The following PI4KB variants were observed in gnomAD, a reference collection of about 807,000 sequenced individuals.
PI4KB encodes the protein PtdIns 4-kinase beta.
PI4KB carries 23 observed loss-of-function variants against 81.4 expected under a neutral mutation model. That is an observed-to-expected ratio of 0.28 (90% confidence interval 0.20 to 0.40). The LOEUF is 0.40. Among genes scored for constraint, PI4KB ranks in the 10% least tolerant of loss-of-function variants. The pLI, the probability that PI4KB is intolerant of heterozygous loss-of-function variation, is 1.00. For missense variants in PI4KB, 651 were observed against 1,036.6 expected (o/e 0.63, Z 5.11); for synonymous variants, 381 against 406.8 (o/e 0.94, Z 0.76).
intron 2 of PI4KB, among the ~76,000 whole-genome samples, chr1:151,311,654 G>A (rs759495223): frequency 7.2e-5 from 11 of 152,188 alleles, no homozygotes; most frequent in Non-Finnish European, 1.3e-4. Context: ...CCTGAGCAAC[G>A]CTCCAGCTGA....
At chr1:151,326,899 T>C (rs1268917722) in intron 1 of PI4KB, among the ~76,000 whole-genome samples, 4 of 151,638 alleles carry the variant, frequency 2.6e-5, no homozygotes, top group Admixed American at 2.0e-4. Flanking sequence ...GTGGAGTCCA[T>C]GGAAAAGGTT....
intron 1 of PI4KB, chr1:151,324,830 T>A: frequency 1.0e-6 from 1 of 985,040 alleles, no homozygotes; most frequent in Middle Eastern, 5.2e-4. Context: ...TATTGAAGGG[T>A]TCCTCCCAAA....
In PI4KB at chr1:151,293,046, G is replaced by T. The variant is rs775933507; in HGVS notation, c.2270-13C>A. ...GGAAGCTGAGAACCTGGGGGAAGCA[G>T]TCGGAGTTCAGGGTCATGGATGGAC... On this transcript the variant is annotated splice_polypyrimidine_tract_variant and intron_variant, in intron 11 of 11. Transcript: ENST00000368873. The T allele has an allele frequency of 1.9e-6, 3 of 1,613,484 alleles. No individual in the cohort carries two copies. In the African/African-American group the frequency reaches 4.0e-5, roughly 22 times the overall value.
intron 8 of PI4KB, 23 bp from the exon 9 acceptor site, chr1:151,299,096 C>T (rs752992539): frequency 1.9e-6 from 3 of 1,606,466 alleles, no homozygotes; most frequent in African/African-American, 1.3e-5. Context: ...ATGGAGGATA[C>T]AGGACTCTTA....
rs1448294178 is a variant in PI4KB at position 151,316,167 on chromosome 1, C to T, written c.315G>A (p.Gly105=). 6.2e-7 allele frequency: 1 copy of T among 1,613,980 alleles called. No individual in the cohort carries two copies. The highest frequency in any genetic ancestry group is 1.1e-5 in the South Asian group (1 of 91,070). Reference sequence around the variant, plus strand: ...TGGCTGTGCCTGAGGCCACAGCGGCCCCCATCTCATCTTCCTCCTCCCTGA... The same window carrying T: ...TGGCTGTGCCTGAGGCCACAGCGGCTCCCATCTCATCTTCCTCCTCCCTGA... ...AQIREEEDEM[G]AAVASGTAKG... Residue 105 remains glycine, a synonymous_variant, in exon 2 of 12, where the codon GGG becomes GGA. Transcript: ENST00000368873.
rs1473470628 is a variant in PI4KB, at chr1:151,292,303, A to C, written c.*549T>G. The C allele has an allele frequency of 1.3e-5, 2 of 154,242 alleles. No homozygotes were observed. Among genetic ancestry groups the C allele is most frequent in the Non-Finnish European group, 2.9e-5 (2 of 69,308 alleles). 9.6% of individuals were successfully genotyped at this position (154,242 alleles called of 1,614,324 possible). On this transcript the variant is annotated 3_prime_UTR_variant, in exon 12 of 12. Coordinates refer to ENST00000368873, the MANE Select transcript of PI4KB (RefSeq NM_001369623.2). Reference sequence around the variant, plus strand: ...TTCCTTGCCCATGATGGGGAACCTCAGCAAGTGCAGGGCCCACGCAGCGCC... The same window carrying C: ...TTCCTTGCCCATGATGGGGAACCTCCGCAAGTGCAGGGCCCACGCAGCGCC...
intron 1 of PI4KB, among the ~76,000 whole-genome samples, chr1:151,319,100 A>G (rs1648459294): frequency 6.6e-6 from 1 of 152,188 alleles, no homozygotes; most frequent in Non-Finnish European, 1.5e-5. Flanking sequence ...CTTCCTTCTC[A>G]TTGTTGCTAT....
chr1:151,321,982 C>T (rs974088127), intron 1 of PI4KB, among the ~76,000 whole-genome samples: 20 of 151,894 alleles, frequency 1.3e-4, no homozygotes, highest in African/African-American at 4.6e-4. Context: ...AACAGCCTTC[C>T]CCTTCTAAGT....
Position 151,315,754 on chromosome 1 carries a change from T to A in PI4KB, c.728A>T (p.Asp243Val). Reference sequence around the variant, plus strand: ...CTTCCTGTGAGCTGGCTTTAGCTCATCTGAGAGGATCAGCTTCCGTAGCTT... The same window carrying A: ...CTTCCTGTGAGCTGGCTTTAGCTCAACTGAGAGGATCAGCTTCCGTAGCTT... ...GTKLRKLILS[D>V]ELKPAHRKRE... Residue 243 changes from aspartate (D) to valine (V), a missense_variant, in exon 2 of 12, where the codon GAT becomes GTT. Asp to Val is a radical substitution (Grantham distance 152, BLOSUM62 -3). Transcript: ENST00000368873. The A allele has an allele frequency of 6.2e-7, 1 of 1,613,694 alleles. No individual in the cohort carries two copies. The highest frequency in any genetic ancestry group is 1.6e-4 in the Middle Eastern group (1 of 6,062).
chr1:151,324,988 CTTTTTT>C, intron 1 of PI4KB: 7 of 371,144 alleles, frequency 1.9e-5, no homozygotes, highest in Non-Finnish European at 2.5e-5. Flanking sequence ...AGGAAAGCTG[CTTTTTT>C]TTTTTTTTTT....
chr1:151,316,525 G>C lies in PI4KB; in HGVS notation c.-28-16C>G. 1 of 1,501,040 alleles carries C rather than the reference G, an allele frequency of 6.7e-7. No homozygotes were observed. Among genetic ancestry groups the C allele is most frequent in the Admixed American group, 2.3e-5 (1 of 42,812 alleles). The allele number at this position is 1,501,040 out of a possible 1,614,324, so 93.0% of individuals were successfully genotyped here. A position where few individuals can be genotyped will look rare whatever the true frequency, so the allele number is the denominator to read the frequency against. On this transcript the variant is annotated splice_polypyrimidine_tract_variant and intron_variant, in intron 1 of 11. Transcript: ENST00000368873. ...AGCTTCCAAGCTACAGGAAGAGGGAGGGAGAAAAGAACAGAAAGGGAGACA... is the reference window on the plus strand; with the variant it reads ...AGCTTCCAAGCTACAGGAAGAGGGACGGAGAAAAGAACAGAAAGGGAGACA...
chr1:151,306,557 C>A, intron 4 of PI4KB, 194 bp from the exon 5 acceptor site: 2 of 588,148 alleles, frequency 3.4e-6, no homozygotes, highest in African/African-American at 1.9e-5. Flanking sequence ...ATTTGTGTGA[C>A]AGAATCCTTA....
intron 1 of PI4KB, chr1:151,324,934 GAAATGAGAGGA>G (rs1649394719): frequency 3.1e-6 from 3 of 976,950 alleles, no homozygotes; most frequent in Non-Finnish European, 3.6e-6. Context: ...AGAAAGCAGG[GAAATGAGAGGA>G]AATATGATTT....
rs1170019492 is a variant in PI4KB at position 151,307,642 on chromosome 1, C to T, written c.1114G>A (p.Ala372Thr). 6.2e-7 allele frequency: 1 copy of T among 1,614,066 alleles called. No homozygotes were observed. Among genetic ancestry groups the T allele is most frequent in the Non-Finnish European group, 8.5e-7 (1 of 1,180,030 alleles). Residue 372 changes from alanine to threonine, a missense_variant, in exon 4 of 12, where the codon GCT becomes ACT. Ala to Thr is a moderately conservative substitution (Grantham distance 58). Transcript: ENST00000368873. ...KLPARVWLPT[A>T]GFDHHVVRVP... ...CGGACCACGTGGTGGTCAAAGCCAGCAGTGGGCAGCCAGACTCGGGCAGGG... is the reference window on the plus strand; with the variant it reads ...CGGACCACGTGGTGGTCAAAGCCAGTAGTGGGCAGCCAGACTCGGGCAGGG...
At chr1:151,321,879 A>G (rs567407952) in intron 1 of PI4KB, among the ~76,000 whole-genome samples, 1 of 151,584 alleles carries the variant, frequency 6.6e-6, no homozygotes, top group East Asian at 2.0e-4. Flanking sequence ...TCTTAAAAAA[A>G]AAAAAAAAAA....
At chr1:151,324,968 G>A (rs2102029272) in intron 1 of PI4KB, 1 of 825,460 alleles carries the variant, frequency 1.2e-6, no homozygotes, top group Non-Finnish European at 1.5e-6. Context: ...GGTTGGGGAT[G>A]CTTCCAAGGA....
intron 2 of PI4KB, among the ~76,000 whole-genome samples, chr1:151,311,313 A>G (rs1205896973): frequency 2.6e-5 from 4 of 152,116 alleles, no homozygotes; most frequent in Non-Finnish European, 5.9e-5. Flanking sequence ...AAGTCCTAAG[A>G]GCTCCCAGGG....
intron 6 of PI4KB, among the ~76,000 whole-genome samples, chr1:151,302,572 CTTTTCT>C (rs1695378773): frequency 6.9e-6 from 1 of 145,248 alleles, no homozygotes; most frequent in African/African-American, 2.5e-5. Context: ...TTTTTCTTTT[CTTTTCT>C]TTTTTTTTTT....
chr1:151,307,533 AGTCAC>A (rs1188920664), intron 4 of PI4KB, 36 bp downstream of exon 4: 7 of 1,341,440 alleles, frequency 5.2e-6, no homozygotes, highest in Non-Finnish European at 7.5e-6. Context: ...ATGGGTGAAG[AGTCAC>A]GTCCAGGGTA....
Sources: gnomAD v4.1 joint callset for allele counts (sites outside exome capture counted in the v4.1 genomes callset) on GRCh38, gnomAD v4.1.1 for gene constraint, MANE v1.5 for transcripts, NCBI Gene and HGNC (gene_info 2026-07-23, HGNC 2026-07-21) for gene names.